The following CCDC7 variants were observed in gnomAD, a reference collection of about 807,000 sequenced individuals.
The protein encoded by CCDC7 is coiled-coil domain-containing protein 7.
In CCDC7, 183 loss-of-function variants were observed where a neutral mutation model predicts 196.9. The ratio of observed to expected loss-of-function variants is 0.93; its 90% CI spans 0.82 to 1.05. CCDC7 has a LOEUF of 1.05. Among genes scored for constraint, CCDC7 ranks in the 50% least tolerant of loss-of-function variants. The pLI is 0.00. For synonymous variants in CCDC7, 525 were observed against 484.6 expected (o/e 1.08, Z -1.10); for missense variants, 1,540 against 1,482.2 (o/e 1.04, Z -0.64).
chr10:32,724,593 A>G (rs1360533365), intron 25 of CCDC7, among the ~76,000 whole-genome samples: 2 of 152,108 alleles, frequency 1.3e-5, no homozygotes, highest in East Asian at 1.9e-4. Context: ...GGGAACCCCA[A>G]ATGAAAAGCT....
intron 9 of CCDC7, among the ~76,000 whole-genome samples, chr10:32,494,165 T>C (rs1282382938): frequency 6.6e-6 from 1 of 152,178 alleles, no homozygotes; most frequent in Non-Finnish European, 1.5e-5. Flanking sequence ...GTTTTACAGT[T>C]TCAGGTTTTA....
At chr10:32,817,964 C>G (rs1016742206) in intron 31 of CCDC7, among the ~76,000 whole-genome samples, 1 of 152,114 alleles carries the variant, frequency 6.6e-6, no homozygotes, top group Non-Finnish European at 1.5e-5. Context: ...ATCATAATGA[C>G]ATGATCAAAT....
chr10:32,584,138 C>T, intron 17 of CCDC7, 94 bp from the exon 19 acceptor site: 2 of 499,512 alleles, frequency 4.0e-6, no homozygotes, highest in Non-Finnish European at 6.4e-6. Context: ...AAAAAGCTAG[C>T]TCTTTTTCTC....
chr10:32,468,332 T>A (rs914483022), intron 5 of CCDC7, among the ~76,000 whole-genome samples: 2 of 152,202 alleles, frequency 1.3e-5, no homozygotes, highest in African/African-American at 2.4e-5. Flanking sequence ...CTAGGTATTC[T>A]TTTTGTGGCA....
At chr10:32,700,235 G>A (rs4412669) in intron 24 of CCDC7, among the ~76,000 whole-genome samples, 38,998 of 149,018 alleles carry the variant, frequency 0.26, 6,324 homozygotes, top group South Asian at 0.44. Flanking sequence ...TTTTGTATAA[G>A]GTGTAAGGAA....
rs1490798040 is a variant in CCDC7 at position 32,567,177 on chromosome 10, TTTC to T, written c.1198-490_1198-488del. On this transcript the variant is annotated intron_variant, in intron 14 of 41. Transcript: ENST00000639629. ...TTATGAGGTGAGATTATTTATGAAT[TTTC>T]TTTTTATTTATATAGTCTTTTATAT... is the stretch of plus-strand genomic sequence containing the variant. 3.4e-5 allele frequency among the ~76,000 whole-genome samples: 5 copies of T among 148,688 alleles called. No individual in the cohort carries two copies. The Admixed American group carries it at 3.4e-4, about 10-fold the overall frequency.
At chr10:32,866,268 A>G (rs1380179166) in intron 41 of CCDC7, among the ~76,000 whole-genome samples, 2 of 151,856 alleles carry the variant, frequency 1.3e-5, no homozygotes. Context: ...GCTAGACTTC[A>G]TTAAAATGAA....
chr10:32,662,232 G>C (rs2071631789), intron 20 of CCDC7, among the ~76,000 whole-genome samples: 1 of 152,120 alleles, frequency 6.6e-6, no homozygotes, highest in Admixed American at 6.6e-5. Context: ...TGAGCAATGG[G>C]GGAGGGATGG....
chr10:32,634,695 C>G (rs577033640), intron 19 of CCDC7, among the ~76,000 whole-genome samples: 1 of 152,254 alleles, frequency 6.6e-6, no homozygotes, highest in East Asian at 1.9e-4. Flanking sequence ...GCACTTGGCC[C>G]TTCACACTAT....
intron 32 of CCDC7, among the ~76,000 whole-genome samples, chr10:32,828,514 AAG>A (rs2091690100): frequency 1.4e-5 from 2 of 148,126 alleles, no homozygotes; most frequent in Admixed American, 6.8e-5. Flanking sequence ...GAAGAAGAAG[AAG>A]AAGAAGAAGA....
At chr10:32,632,138 TTGG>T (rs759976038) in intron 18 of CCDC7, among the ~76,000 whole-genome samples, 79 of 16,558 alleles carry the variant, frequency 4.8e-3, no homozygotes, top group Admixed American at 0.018. Flanking sequence ...TTTCTTTTTT[TTGG>T]GGGGGGGGGG....
intron 9 of CCDC7, among the ~76,000 whole-genome samples, chr10:32,494,639 T>C (rs997904436): frequency 2.0e-5 from 3 of 152,136 alleles, no homozygotes; most frequent in African/African-American, 7.2e-5. Context: ...AGCGAGAACA[T>C]GCGGTGTTTG....
At chr10:32,633,897 G>A (rs574452864) in intron 18 of CCDC7, among the ~76,000 whole-genome samples, 64 of 151,178 alleles carry the variant, frequency 4.2e-4, no homozygotes, top group Non-Finnish European at 7.8e-4. Context: ...ATTGTTTTCC[G>A]GTTTGTTTTT....
intron 29 of CCDC7, among the ~76,000 whole-genome samples, chr10:32,780,247 A>C (rs1592684997): frequency 6.6e-6 from 1 of 152,296 alleles, no homozygotes; most frequent in Non-Finnish European, 1.5e-5. Flanking sequence ...CAAACAAAAA[A>C]ACCCAGAATT....
At chr10:32,643,820 T>C (rs2067258782) in intron 20 of CCDC7, among the ~76,000 whole-genome samples, 1 of 148,692 alleles carries the variant, frequency 6.7e-6, no homozygotes, top group Non-Finnish European at 1.5e-5. Flanking sequence ...ATTTTGAAAA[T>C]TAATTTGGTC....
intron 8 of CCDC7, among the ~76,000 whole-genome samples, chr10:32,488,006 C>G (rs1318798278): frequency 6.6e-6 from 1 of 152,208 alleles, no homozygotes; most frequent in Non-Finnish European, 1.5e-5. Flanking sequence ...CTACTCTCTT[C>G]AAAGCTGTCA....
intron 13 of CCDC7, among the ~76,000 whole-genome samples, chr10:32,545,470 A>G (rs2052272860): frequency 6.6e-6 from 1 of 152,170 alleles, no homozygotes; most frequent in African/African-American, 2.4e-5. Context: ...ATTCTCAATG[A>G]GTGTTACATG....
At chr10:32,493,399 T>C (rs991279919) in intron 9 of CCDC7, among the ~76,000 whole-genome samples, 2 of 150,038 alleles carry the variant, frequency 1.3e-5, no homozygotes, top group African/African-American at 4.9e-5. Context: ...TATATCTGTA[T>C]ATATATATCT....
chr10:32,688,878 C>T (rs1483215188), intron 22 of CCDC7, among the ~76,000 whole-genome samples, 175 bp from the exon 24 acceptor site: 2 of 152,168 alleles, frequency 1.3e-5, no homozygotes, highest in Non-Finnish European at 2.9e-5. Context: ...AGTTTCAACA[C>T]ACACCCATTG....
Sources: allele counts gnomAD v4.1 joint callset (sites outside exome capture counted in the v4.1 genomes callset), GRCh38; gene constraint gnomAD v4.1.1; transcripts MANE v1.5; gene names NCBI Gene and HGNC (gene_info 2026-07-23, HGNC 2026-07-21).